Variants in ZC3H6 observed in about 807,000 individuals in gnomAD.
ZC3H6 encodes the protein zinc finger CCCH domain-containing protein 6.
ZC3H6 carries 40 observed loss-of-function variants against 107.7 expected under a neutral mutation model. The observed-to-expected ratio is 0.37, with a 90% CI of 0.29 to 0.48. The LOEUF is 0.48. Among genes scored for constraint, ZC3H6 ranks in the 20% least tolerant of loss-of-function variants. The probability of loss-of-function intolerance (pLI) is 0.98; values close to 1 mark genes in which losing one functional copy is unlikely to be tolerated. For missense variants in ZC3H6, 1,267 were observed against 1,410.4 expected (o/e 0.90, Z 1.63); for synonymous variants, 493 against 487.9 (o/e 1.01, Z -0.14).
At position 112,331,304 on chromosome 2, in the gene ZC3H6, A is replaced by G; in HGVS notation, c.2386A>G (p.Ile796Val). Residue 796 changes from isoleucine to valine, a missense_variant, in exon 12 of 12, where the codon ATA (isoleucine) becomes GTA (valine). By Grantham distance (29) the Ile-to-Val change is conservative (BLOSUM62 3). Transcript: ENST00000409871. Reference sequence around the variant, plus strand: ...ATTGAGAGGGAATGGAAGTGGTCACATAGGCTCTTCTGTTGGTGGAGCAAA... The same window carrying G: ...ATTGAGAGGGAATGGAAGTGGTCACGTAGGCTCTTCTGTTGGTGGAGCAAA... ...RKLRGNGSGH[I>V]GSSVGGAKFD... is the part of the protein sequence containing the mutation. 2 of 1,613,678 alleles carry G rather than the reference A, an allele frequency of 1.2e-6. No individual in the cohort carries two copies. Among genetic ancestry groups the G allele is most frequent in the Non-Finnish European group, 1.7e-6 (2 of 1,179,902 alleles).
intron 4 of ZC3H6, 77 bp from the exon 5 acceptor site, chr2:112,311,727 T>C: frequency 7.6e-7 from 1 of 1,319,548 alleles, no homozygotes; most frequent in Non-Finnish European, 1.0e-6. Flanking sequence ...TATTAAAATG[T>C]GCTGTTCCTT....
At chr2:112,324,054 G>A in intron 9 of ZC3H6, 98 bp from the exon 10 acceptor site, 1 of 1,326,234 alleles carries the variant, frequency 7.5e-7, no homozygotes, top group Non-Finnish European at 1.0e-6. Flanking sequence ...CTATTCTGAT[G>A]TAAAAAAAGT....
At chr2:112,298,054 C>T (rs936985964) in intron 1 of ZC3H6, among the ~76,000 whole-genome samples, 33 of 152,290 alleles carry the variant, frequency 2.2e-4, no homozygotes, top group African/African-American at 7.9e-4. Context: ...GTGGAGGTTG[C>T]AGTGAGCTGA....
chr2:112,325,803 T>C (rs1448823964), intron 11 of ZC3H6, among the ~76,000 whole-genome samples: 1 of 152,060 alleles, frequency 6.6e-6, no homozygotes, highest in African/African-American at 2.4e-5. Context: ...AAGGATCTGC[T>C]ATAATAAGAA....
rs1677198391 is a variant in ZC3H6, at chr2:112,339,214, C to G, written c.*6726C>G. On this transcript the variant is annotated 3_prime_UTR_variant, in exon 12 of 12. Coordinates refer to ENST00000409871, the MANE Select transcript of ZC3H6 (RefSeq NM_198581.3). ...TGGCCTAGACTATACCTTTTATACA[C>G]TTTTTAAATAGAGAAAGTGAAAAAT... The G allele has an allele frequency of 2.0e-5, 3 of 151,980 alleles. No homozygotes were observed. The highest frequency in any genetic ancestry group is 4.4e-5 in the Non-Finnish European group (3 of 68,000). The allele number at this position is 151,980 out of a possible 1,614,324, so 9.4% of individuals were successfully genotyped here.
intron 4 of ZC3H6, among the ~76,000 whole-genome samples, chr2:112,311,390 G>GAT (rs1186361797): frequency 2.0e-5 from 3 of 152,060 alleles, no homozygotes; most frequent in African/African-American, 7.2e-5. Flanking sequence ...TTTTCCTGGA[G>GAT]ATATATGTGT....
Position 112,332,608 on chromosome 2 carries a change from A to G in ZC3H6, c.*120A>G. The G allele has an allele frequency of 1.0e-6, 1 of 993,240 alleles. No individual in the cohort carries two copies. Among genetic ancestry groups the G allele is most frequent in the Non-Finnish European group, 1.4e-6 (1 of 695,870 alleles). The allele number at this position is 993,240 out of a possible 1,614,324, so 61.5% of individuals were successfully genotyped here. ...AAATTATAAACACTTTTCAGCTGCT[A>G]GTATCAGAACCACATGAAGTTATAG... is the stretch of plus-strand genomic sequence containing the variant. On this transcript the variant is annotated 3_prime_UTR_variant, in exon 12 of 12. Transcript: ENST00000409871.
At chr2:112,317,405 A>G (rs1676719819) in intron 7 of ZC3H6, 73 bp downstream of exon 7, 1 of 801,996 alleles carries the variant, frequency 1.2e-6, no homozygotes, top group Non-Finnish European at 1.9e-6. Flanking sequence ...TTAAAAAATA[A>G]TAAATACACC....
At chr2:112,292,482 C>T (rs756114057) in intron 1 of ZC3H6, among the ~76,000 whole-genome samples, 2 of 152,158 alleles carry the variant, frequency 1.3e-5, no homozygotes, top group Admixed American at 6.5e-5. Flanking sequence ...ATAACTAGAA[C>T]GATGATAAGG....
At chr2:112,298,105 C>T (rs1048191604) in intron 1 of ZC3H6, among the ~76,000 whole-genome samples, 2 of 151,900 alleles carry the variant, frequency 1.3e-5, no homozygotes, top group African/African-American at 4.8e-5. Flanking sequence ...CAGAGTGAGA[C>T]CCTGTCTCAA....
chr2:112,276,336 G>C (rs1350858657), intron 1 of ZC3H6, among the ~76,000 whole-genome samples: 1 of 151,204 alleles, frequency 6.6e-6, no homozygotes, highest in Non-Finnish European at 1.5e-5. Context: ...GTCCCGGCTC[G>C]GTGCTGAGGT....
rs767535863 is a variant in ZC3H6, at chr2:112,332,004, C to T, written c.3086C>T (p.Ser1029Phe). The T allele has an allele frequency of 1.1e-5, 18 of 1,613,914 alleles. No individual in the cohort carries two copies. Among genetic ancestry groups the T allele is most frequent in the Non-Finnish European group, 1.5e-5 (18 of 1,179,908 alleles). The change falls in exon 12 of 12, where the codon TCT becomes TTT. Residue 1029 changes from serine (S) to phenylalanine (F), a missense_variant. Around this residue, in one of 3 missense-constraint regions of ZC3H6, gnomAD observed 925 missense variants for 1,025.7 expected, o/e 0.90. Coordinates refer to ENST00000409871, the MANE Select transcript of ZC3H6 (RefSeq NM_198581.3). ...GALPPYAPKLSSSAGLPLGTS... is the reference protein window; with the variant it reads ...GALPPYAPKLFSSAGLPLGTS... ...CTGCCTCCATATGCCCCTAAACTCT[C>T]TTCCTCAGCTGGCCTTCCACTGGGA...
chr2:112,310,244 T>G, intron 4 of ZC3H6, 83 bp downstream of exon 4: 1 of 1,355,934 alleles, frequency 7.4e-7, no homozygotes, highest in Non-Finnish European at 9.9e-7. Flanking sequence ...TAGAAACTTA[T>G]CCCTGTTCAA....
chr2:112,293,834 A>G (rs1486013839), intron 1 of ZC3H6, among the ~76,000 whole-genome samples: 1 of 152,272 alleles, frequency 6.6e-6, no homozygotes, highest in African/African-American at 2.4e-5. Context: ...AGAGAAATGC[A>G]TGATCAGCAT....
rs1037775282 is a variant in ZC3H6 at position 112,337,556 on chromosome 2, A to C, written c.*5068A>C. ...AGGCTGATCTTGAACTCCTGACCCC[A>C]GGTGATCCACCCGCCTCAACCTCCA... On this transcript the variant is annotated 3_prime_UTR_variant, in exon 12 of 12. Coordinates refer to ENST00000409871, the MANE Select transcript of ZC3H6 (RefSeq NM_198581.3). 1 of 152,044 alleles carries C rather than the reference A, an allele frequency of 6.6e-6. No individual in the cohort carries two copies. Among genetic ancestry groups the C allele is most frequent in the Non-Finnish European group, 1.5e-5 (1 of 68,012 alleles). 9.4% of individuals were successfully genotyped at this position (152,044 alleles called of 1,614,324 possible). A position where few individuals can be genotyped will look rare whatever the true frequency, so the allele number is the denominator to read the frequency against.
chr2:112,322,843 A>G lies in ZC3H6; in HGVS notation c.1281A>G (p.Pro427=). Residue 427 remains proline, a synonymous_variant, in exon 9 of 12, where the codon CCA becomes CCG. Coordinates refer to ENST00000409871, the MANE Select transcript of ZC3H6 (RefSeq NM_198581.3). ...TCTCTGATGATTTTAGGAAAATTCC[A>G]TCTCTTTTTGAAATAGTTGTAAAAC... ...TDFSDDFRKI[P]SLFEIVVKPT... 1 of 1,613,374 alleles carries G rather than the reference A, an allele frequency of 6.2e-7. No individual in the cohort carries two copies. Among genetic ancestry groups the G allele is most frequent in the Non-Finnish European group, 8.5e-7 (1 of 1,179,768 alleles).
At chr2:112,315,373 G>A (rs955808251) in intron 5 of ZC3H6, among the ~76,000 whole-genome samples, 4 of 151,992 alleles carry the variant, frequency 2.6e-5, no homozygotes, top group African/African-American at 7.2e-5. Context: ...ATATTTAAAA[G>A]TTAAAAGTAA....
chr2:112,275,942 C>A lies in ZC3H6; in HGVS notation c.-53C>A. 6.7e-7 allele frequency: 1 copy of A among 1,495,236 alleles called. No homozygotes were observed. The highest frequency in any genetic ancestry group is 8.9e-7 in the Non-Finnish European group (1 of 1,121,410). The allele number at this position is 1,495,236 out of a possible 1,614,324, so 92.6% of individuals were successfully genotyped here. A position where few individuals can be genotyped will look rare whatever the true frequency, so the allele number is the denominator to read the frequency against. ...GCGGGGGGTCTTCCCCGCGCCCCGC[C>A]GCCGCCGGCCTCGCAGACCTGCCCT... On this transcript the variant is annotated 5_prime_UTR_variant, in exon 1 of 12. Transcript: ENST00000409871.
intron 5 of ZC3H6, among the ~76,000 whole-genome samples, chr2:112,315,025 A>G (rs1253295397): frequency 6.6e-6 from 1 of 152,176 alleles, no homozygotes; most frequent in African/African-American, 2.4e-5. Context: ...CTGTGAGGCA[A>G]TCTCTTGTTT....
Sources: gnomAD v4.1 joint callset for allele counts (sites outside exome capture counted in the v4.1 genomes callset) on GRCh38, gnomAD v4.1.1 for gene constraint, gnomAD v4.1.1 regional missense constraint, MANE v1.5 for transcripts, NCBI Gene and HGNC (gene_info 2026-07-23, HGNC 2026-07-21) for gene names.